Variants in SART3 observed in about 807,000 individuals in gnomAD.
SART3 encodes the protein HIV-1 Tat-interacting protein of 110kDa.
A neutral mutation model predicts 122.3 loss-of-function variants in SART3; 44 were observed. The observed-to-expected ratio is 0.36, with a 90% confidence interval of 0.28 to 0.46. The LOEUF is 0.46. SART3 is among the 20% of genes least tolerant of loss of function. The pLI is 1.00. For missense variants in SART3, 1,101 were observed against 1,229.0 expected (o/e 0.90, Z 1.56); for synonymous variants, 442 against 454.0 (o/e 0.97, Z 0.34).
chr12:108,551,673 T>TA (rs1802708591), intron 1 of SART3, among the ~76,000 whole-genome samples: 2 of 152,140 alleles, frequency 1.3e-5, no homozygotes, highest in South Asian at 4.1e-4. Flanking sequence ...CTCAAGTACT[T>TA]ACGGAACATT....
intron 12 of SART3, among the ~76,000 whole-genome samples, chr12:108,534,112 TA>T (rs58975785): frequency 0.025 from 3,774 of 152,304 alleles, 146 homozygotes; most frequent in African/African-American, 0.086. Flanking sequence ...CTTTTCTCAC[TA>T]TATTATTTTG....
At chr12:108,556,949 T>C (rs949470867) in intron 1 of SART3, among the ~76,000 whole-genome samples, 1 of 152,072 alleles carries the variant, frequency 6.6e-6, no homozygotes, top group African/African-American at 2.4e-5. Flanking sequence ...ACACCATGTG[T>C]GGATCAGCAG....
intron 15 of SART3, among the ~76,000 whole-genome samples, chr12:108,528,702 A>G (rs1461108183): frequency 6.6e-6 from 1 of 152,130 alleles, no homozygotes; most frequent in African/African-American, 2.4e-5. Flanking sequence ...GAGACCAAAC[A>G]GGGTGGGGAT....
Position 108,539,540 on chromosome 12 carries a change from T to C in SART3, c.907-451A>G, listed in dbSNP as rs145345133. ...CCAAATATCAGTTCCTGGAAGAATGTAGATAAATGCAGAAGATGAAGGCAG... is the reference window on the plus strand; with the variant it reads ...CCAAATATCAGTTCCTGGAAGAATGCAGATAAATGCAGAAGATGAAGGCAG... On this transcript the variant is annotated intron_variant, in intron 6 of 18. Coordinates refer to ENST00000546815, the MANE Select transcript of SART3 (RefSeq NM_014706.4). Among the ~76,000 whole-genome samples, 302 of 152,334 alleles carry C rather than the reference T, an allele frequency of 2.0e-3. 3 individuals are homozygous for C. The highest frequency in any genetic ancestry group is 6.0e-3 in the African/African-American group (251 of 41,568).
At position 108,526,536 on chromosome 12, in the gene SART3, T is replaced by G. The variant is rs1192348189; in HGVS notation, c.1933A>C (p.Arg645=). The G allele has an allele frequency of 1.9e-6, 3 of 1,613,908 alleles. No homozygotes were observed. Among genetic ancestry groups the G allele is most frequent in the African/African-American group, 2.7e-5 (2 of 74,944 alleles). ...DDEEEQPSKR[R]RVENSIPAAG... Reference sequence around the variant, plus strand: ...GCAGGGATGCTGTTCTCGACCCTTCTGCGTTTGGAAGGCTGCTCTACAGGT... The same window carrying G: ...GCAGGGATGCTGTTCTCGACCCTTCGGCGTTTGGAAGGCTGCTCTACAGGT... The change falls in exon 16 of 19, where the codon AGA becomes CGA. Residue 645 remains arginine (R), a synonymous_variant. Transcript: ENST00000546815.
intron 7 of SART3, 87 bp downstream of exon 7, chr12:108,538,847 G>A (rs181670556): frequency 3.9e-5 from 59 of 1,501,806 alleles, no homozygotes; most frequent in Middle Eastern, 1.7e-4. Flanking sequence ...GAGTAGGGCC[G>A]TATGCAACAA....
In SART3 at chr12:108,547,988, A is replaced by G; in HGVS notation, c.443T>C (p.Leu148Pro). The G allele has an allele frequency of 6.2e-7, 1 of 1,612,730 alleles. No homozygotes were observed. The highest frequency in any genetic ancestry group is 8.5e-7 in the Non-Finnish European group (1 of 1,179,902). Residue 148 changes from leucine to proline, a missense_variant, in exon 3 of 19, where the codon CTC (leucine) becomes CCC (proline). By Grantham distance (98) the Leu-to-Pro change is moderately conservative. Transcript: ENST00000546815. ...MSEIFPLTEE[L>P]WLEWLHDEIS... is the part of the protein sequence containing the mutation. Reference sequence around the variant, plus strand: ...CTCGTCATGCAGCCACTCCAGCCAGAGCTCTACGAGACAAAAATACTTCCC... The same window carrying G: ...CTCGTCATGCAGCCACTCCAGCCAGGGCTCTACGAGACAAAAATACTTCCC...
intron 18 of SART3, 103 bp from the exon 19 acceptor site, chr12:108,523,737 A>G: frequency 1.0e-6 from 1 of 977,590 alleles, no homozygotes; most frequent in Non-Finnish European, 1.5e-6. Context: ...CCAGAAGTTA[A>G]AAGGTGAAAA....
Position 108,539,019 on chromosome 12 carries a change from G to A in SART3, c.977C>T (p.Pro326Leu). ...CTCAAAGATCAACTGAATGCGAGCA[G>A]GATCGCCAATTTTCATCTCAAAATC... is the stretch of plus-strand genomic sequence containing the variant. ...YIDFEMKIGD[P>L]ARIQLIFERA... is the part of the protein sequence containing the mutation. The change falls in exon 7 of 19, where the codon CCT becomes CTT. Residue 326 changes from proline to leucine, a missense_variant. Physicochemically the swap from Pro to Leu is moderately conservative, Grantham distance 98 (BLOSUM62 -3). Coordinates refer to ENST00000546815, the MANE Select transcript of SART3 (RefSeq NM_014706.4). 6.2e-7 allele frequency: 1 copy of A among 1,614,192 alleles called. No individual in the cohort carries two copies. Among genetic ancestry groups the A allele is most frequent in the Non-Finnish European group, 8.5e-7 (1 of 1,180,038 alleles).
intron 3 of SART3, among the ~76,000 whole-genome samples, chr12:108,546,108 A>G (rs966009236): frequency 3.3e-5 from 5 of 152,218 alleles, no homozygotes; most frequent in Admixed American, 2.6e-4. Context: ...CTATCATCTC[A>G]GAACAGTCTA....
intron 6 of SART3, among the ~76,000 whole-genome samples, chr12:108,541,406 CA>C (rs1222925342): frequency 6.8e-6 from 1 of 147,194 alleles, no homozygotes; most frequent in Non-Finnish European, 1.5e-5. Flanking sequence ...ACTCCAGTCT[CA>C]AAAAAAAAGA....
intron 6 of SART3, 153 bp downstream of exon 6, chr12:108,542,875 T>C (rs1432723072): frequency 2.8e-6 from 3 of 1,073,686 alleles, no homozygotes; most frequent in Admixed American, 3.8e-5. Context: ...ACATGGATGT[T>C]CACTTTATTA....
intron 2 of SART3, among the ~76,000 whole-genome samples, 198 bp downstream of exon 2, chr12:108,548,890 A>C (rs986622207): frequency 1.7e-4 from 26 of 152,250 alleles, no homozygotes; most frequent in Non-Finnish European, 3.5e-4. Flanking sequence ...AGAATTCAAA[A>C]TCCGTGTTAT....
intron 5 of SART3, among the ~76,000 whole-genome samples, 187 bp downstream of exon 5, chr12:108,544,240 C>G (rs543741123): frequency 1.3e-5 from 2 of 152,286 alleles, no homozygotes; most frequent in Non-Finnish European, 2.9e-5. Flanking sequence ...CCTCACAACC[C>G]TCTTAAGCAC....
At chr12:108,547,804 C>A (rs1282186893) in intron 3 of SART3, 83 bp downstream of exon 3, 1 of 994,874 alleles carries the variant, frequency 1.0e-6, no homozygotes. Context: ...TTCTGGGTAG[C>A]AACATCTCAT....
intron 10 of SART3, 35 bp from the exon 11 acceptor site, chr12:108,536,607 C>T (rs757138557): frequency 6.2e-7 from 1 of 1,612,830 alleles, no homozygotes; most frequent in Non-Finnish European, 8.5e-7. Context: ...TAGAAAGGAA[C>T]TTGGAGACAG....
intron 1 of SART3, among the ~76,000 whole-genome samples, chr12:108,555,515 A>C (rs1565868364): frequency 6.6e-6 from 1 of 152,282 alleles, no homozygotes; most frequent in African/African-American, 2.4e-5. Context: ...AACTGTAAAA[A>C]TTAGCTGAGT....
chr12:108,541,497 A>C (rs1175048451), intron 6 of SART3, among the ~76,000 whole-genome samples: 1 of 152,188 alleles, frequency 6.6e-6, no homozygotes, highest in Non-Finnish European at 1.5e-5. Flanking sequence ...CACTCCCACA[A>C]ATCAATTAGA....
At position 108,526,285 on chromosome 12, in the gene SART3, G is replaced by A; in HGVS notation, c.2184C>T (p.Ala728=). The A allele has an allele frequency of 3.1e-6, 5 of 1,614,176 alleles. No individual in the cohort carries two copies. The highest frequency in any genetic ancestry group is 4.2e-6 in the Non-Finnish European group (5 of 1,180,028). ...PDTKLRPLFE[A]CGEVVQIRPI... ...GTCGGATCTGGACCACCTCCCCACA[G>A]GCCTCGAAGAGTGGCCTGAGCTTCG... Residue 728 remains alanine (A), a synonymous_variant, in exon 16 of 19, where the codon GCC becomes GCT. Coordinates refer to ENST00000546815, the MANE Select transcript of SART3 (RefSeq NM_014706.4).
Sources: gnomAD v4.1 joint callset for allele counts (sites outside exome capture counted in the v4.1 genomes callset) on GRCh38, gnomAD v4.1.1 for gene constraint, MANE v1.5 for transcripts, NCBI Gene and HGNC (gene_info 2026-07-23, HGNC 2026-07-21) for gene names.